Variants in TBCD observed in about 807,000 individuals in gnomAD.
TBCD encodes tubulin folding cofactor D, also known as tubulin-specific chaperone D.
TBCD carries 105 observed loss-of-function variants against 169.3 expected under a neutral mutation model. The observed-to-expected ratio is 0.62, with a 90% CI of 0.53 to 0.73. The LOEUF is 0.73. TBCD is among the 30% of genes least tolerant of loss of function. The pLI, the probability that TBCD is intolerant of heterozygous loss-of-function variation, is 0.00. For synonymous variants in TBCD, 700 were observed against 643.9 expected (o/e 1.09, Z -1.32); for missense variants, 1,444 against 1,600.1 (o/e 0.90, Z 1.66).
chr17:82,822,148 A>G (rs1212555411), intron 13 of TBCD, among the ~76,000 whole-genome samples: 2 of 152,210 alleles, frequency 1.3e-5, no homozygotes, highest in African/African-American at 2.4e-5. Context: ...TCTCTGGATG[A>G]CGAAAACTCT....
Position 82,752,390 on chromosome 17 carries a change from C to T in TBCD, c.184+13C>T. ...GAGCGGTTCCGCGGTGCGTGGGCGG[C>T]GCCGCGTGCCCGCTTCCTCCCCCGG... On this transcript the variant is annotated intron_variant, in intron 1 of 38. Coordinates refer to ENST00000355528, the MANE Select transcript of TBCD (RefSeq NM_005993.5). 8.2e-6 allele frequency: 10 copies of T among 1,226,864 alleles called. No individual in the cohort carries two copies. Among genetic ancestry groups the T allele is most frequent in the Non-Finnish European group, 1.0e-5 (10 of 986,488 alleles). 76.0% of individuals were successfully genotyped at this position (1,226,864 alleles called of 1,614,324 possible). A position where few individuals can be genotyped will look rare whatever the true frequency, so the allele number is the denominator to read the frequency against.
rs1303837971 is a variant in TBCD at position 82,831,162 on chromosome 17, G to A, written c.1318+16228G>A. On this transcript the variant is annotated intron_variant, in intron 13 of 38. Coordinates refer to ENST00000355528, the MANE Select transcript of TBCD (RefSeq NM_005993.5). This position sits in a 1 kb window ranked among gnomAD's most constrained non-coding sequence, Gnocchi z 4.6. ...TGGAGGCTGCCTTGTTGGAGAGGTC[G>A]TACAGGCCTTCGCAGGTCTGGCTCG... 4 of 1,614,124 alleles carry A rather than the reference G, an allele frequency of 2.5e-6. No homozygotes were observed. The highest frequency in any genetic ancestry group is 1.1e-5 in the South Asian group (1 of 91,080).
chr17:82,826,573 G>T (rs947354727), intron 13 of TBCD, among the ~76,000 whole-genome samples: 13 of 151,572 alleles, frequency 8.6e-5, no homozygotes, highest in African/African-American at 2.7e-4. Context: ...ACATCCCATT[G>T]CTCAGCTAAT....
intron 13 of TBCD, chr17:82,830,458 G>C (rs985679628): frequency 1.2e-6 from 2 of 1,612,738 alleles, no homozygotes; most frequent in Non-Finnish European, 1.7e-6. Flanking sequence ...GCATGCGTCT[G>C]GAGCCTCCTC....
Position 82,868,260 on chromosome 17 carries a change from T to C in TBCD, c.1319-1964T>C, listed in dbSNP as rs899085435. On this transcript the variant is annotated intron_variant, in intron 13 of 38. Coordinates refer to ENST00000355528, the MANE Select transcript of TBCD (RefSeq NM_005993.5). Reference sequence around the variant, plus strand: ...GACAGCTCTTCTGTGGGCACTGGGCTTGAAGAAGCTGCAGCGCATCCAGGT... The same window carrying C: ...GACAGCTCTTCTGTGGGCACTGGGCCTGAAGAAGCTGCAGCGCATCCAGGT... Among the ~76,000 whole-genome samples, 6 of 152,262 alleles carry C rather than the reference T, an allele frequency of 3.9e-5. No individual in the cohort carries two copies. In the East Asian group the frequency reaches 1.2e-3, roughly 29 times the overall value.
At chr17:82,795,827 C>G (rs2144588120) in intron 7 of TBCD, 1 of 154,204 alleles carries the variant, frequency 6.5e-6, no homozygotes, top group African/African-American at 2.4e-5. Flanking sequence ...TTGACTGAAG[C>G]TGGCTCTTCC....
At chr17:82,763,905 G>A (rs1315517877) in intron 2 of TBCD, 60 bp from the exon 3 acceptor site, 5 of 1,433,814 alleles carry the variant, frequency 3.5e-6, no homozygotes, top group African/African-American at 1.4e-5. Flanking sequence ...ACACCTGGCC[G>A]GCCTCAATGT....
At position 82,945,823 on chromosome 17, in the gene TBCD, G is replaced by A. The variant is rs1490916727; in HGVS notation, c.*3360G>A. 2 of 152,230 alleles carry A rather than the reference G, an allele frequency of 1.3e-5. No homozygotes were observed. The highest frequency in any genetic ancestry group is 1.9e-4 in the East Asian group (1 of 5,200). The allele number at this position is 152,230 out of a possible 1,614,324, so 9.4% of individuals were successfully genotyped here. Reference sequence around the variant, plus strand: ...CTGGTTGAGAACCACTGCTTTAGTGGATAAACTTTAGGCAGGAGGGAAATG... The same window carrying A: ...CTGGTTGAGAACCACTGCTTTAGTGAATAAACTTTAGGCAGGAGGGAAATG... On this transcript the variant is annotated 3_prime_UTR_variant, in exon 39 of 39. Transcript: ENST00000355528.
Position 82,907,797 on chromosome 17 carries a change from G to C in TBCD, c.1959G>C (p.Gln653His), listed in dbSNP as rs907774680. The change falls in exon 21 of 39, where the codon CAG becomes CAC. Residue 653 changes from glutamine (Q) to histidine (H), a missense_variant. By Grantham distance (24) the Gln-to-His change is conservative. Coordinates refer to ENST00000355528, the MANE Select transcript of TBCD (RefSeq NM_005993.5). ...VTDHLDEQAV[Q>H]GLKQIHQQLY... ...ACCATCTGGACGAGCAGGCAGTGCA[G>C]GGCCTGAAGCAGATTCACCAGCAGG... is the stretch of plus-strand genomic sequence containing the variant. The C allele has an allele frequency of 3.7e-6, 6 of 1,613,584 alleles. No individual in the cohort carries two copies. The African/African-American group carries it at 8.0e-5, about 22-fold the overall frequency.
chr17:82,860,779 G>T (rs1257777735), intron 13 of TBCD, among the ~76,000 whole-genome samples: 2 of 152,222 alleles, frequency 1.3e-5, no homozygotes, highest in Non-Finnish European at 2.9e-5. Flanking sequence ...TGTCCGGGCT[G>T]TGTAAGAAGC....
chr17:82,829,160 C>T (rs1487359951), intron 13 of TBCD, among the ~76,000 whole-genome samples: 1 of 152,086 alleles, frequency 6.6e-6, no homozygotes, highest in Admixed American at 6.5e-5. Flanking sequence ...CACACACCCG[C>T]AGAGATGCAC....
Position 82,864,353 on chromosome 17 carries a change from G to A in TBCD, c.1319-5871G>A, listed in dbSNP as rs1398015078. The A allele has an allele frequency of 6.6e-6, 1 of 152,284 alleles. No homozygotes were observed. Among genetic ancestry groups the A allele is most frequent in the Admixed American group, 6.5e-5 (1 of 15,294 alleles). The allele number at this position is 152,284 out of a possible 1,614,324, so 9.4% of individuals were successfully genotyped here. A position where few individuals can be genotyped will look rare whatever the true frequency, so the allele number is the denominator to read the frequency against. On this transcript the variant is annotated intron_variant, in intron 13 of 38. Coordinates refer to ENST00000355528, the MANE Select transcript of TBCD (RefSeq NM_005993.5). This position sits in a 1 kb window ranked among gnomAD's most constrained non-coding sequence, Gnocchi z 6.3. ...CTCATCGCCCCCATCCAGGCAGATC[G>A]AGTGCCGGCTCTCTGTGCTCTCCAG... is the stretch of plus-strand genomic sequence containing the variant.
chr17:82,879,225 G>A (rs9892187), intron 14 of TBCD, among the ~76,000 whole-genome samples: 5 of 151,572 alleles, frequency 3.3e-5, no homozygotes, highest in African/African-American at 4.9e-5. Flanking sequence ...AATCCAGGAC[G>A]CCGGGCTTGG....
At position 82,752,240 on chromosome 17, in the gene TBCD, C is replaced by T; in HGVS notation, c.47C>T (p.Ala16Val). ...GCCGCGGGCGGCCCCGAGGAGGAGG[C>T]GGAGGACGAGACACTGGCCTTTGGC... ...EPAAGGPEEE[A>V]EDETLAFGAA... The change falls in exon 1 of 39, where the codon GCG becomes GTG. Residue 16 changes from alanine (A) to valine (V), a missense_variant. Physicochemically the swap from Ala to Val is moderately conservative, Grantham distance 64. Transcript: ENST00000355528. 6.6e-7 allele frequency: 1 copy of T among 1,525,874 alleles called. No individual in the cohort carries two copies. The highest frequency in any genetic ancestry group is 8.8e-7 in the Non-Finnish European group (1 of 1,140,232). 94.5% of individuals were successfully genotyped at this position (1,525,874 alleles called of 1,614,324 possible).
At chr17:82,768,243 G>C (rs2048123391) in intron 4 of TBCD, among the ~76,000 whole-genome samples, 177 bp from the exon 5 acceptor site, 1 of 152,096 alleles carries the variant, frequency 6.6e-6, no homozygotes, top group Non-Finnish European at 1.5e-5. Context: ...GGGATTCCGG[G>C]GGGGATGTGG....
Position 82,817,584 on chromosome 17 carries a change from A to G in TBCD, c.1318+2650A>G, listed in dbSNP as rs111553437. Among the ~76,000 whole-genome samples the G allele has an allele frequency of 8.3e-4, 126 of 152,218 alleles. 1 individual carries two copies. The Middle Eastern group carries it at 0.01, about 12-fold the overall frequency. ...AGTGCTAGGATTATAGGCGTGAGCT[A>G]CTGCACCTGGCCTTCATGCCTGGCT... On this transcript the variant is annotated intron_variant, in intron 13 of 38. Transcript: ENST00000355528.
At chr17:82,941,337 C>G (rs2063226506) in intron 37 of TBCD, 62 bp from the exon 38 acceptor site, 4 of 1,444,362 alleles carry the variant, frequency 2.8e-6, no homozygotes, top group Non-Finnish European at 3.7e-6. Flanking sequence ...CGCGGGACCT[C>G]CGCACACCTG....
rs373555642 is a variant in TBCD, at chr17:82,788,873, C to T, written c.771+7152C>T. ...GGGAGGGAAGCAGCAGACCTCTCACCGCAGAGGCTGGTGTGAGGCTAATTA... is the reference window on the plus strand; with the variant it reads ...GGGAGGGAAGCAGCAGACCTCTCACTGCAGAGGCTGGTGTGAGGCTAATTA... On this transcript the variant is annotated intron_variant, in intron 7 of 38. Transcript: ENST00000355528. 1.5e-3 allele frequency among the ~76,000 whole-genome samples: 235 copies of T among 152,288 alleles called. 11 individuals carry two copies. In the South Asian group the frequency reaches 0.045, roughly 29 times the overall value.
chr17:82,933,094 C>T (rs775002165), intron 34 of TBCD, among the ~76,000 whole-genome samples: 4 of 152,002 alleles, frequency 2.6e-5, no homozygotes, highest in African/African-American at 7.2e-5. Context: ...GGATGAGACT[C>T]GCAGGGGAGA....
Sources: gnomAD v4.1 joint callset for allele counts (sites outside exome capture counted in the v4.1 genomes callset) on GRCh38, gnomAD v4.1.1 for gene constraint, Gnocchi (gnomAD v3.1) non-coding constraint, MANE v1.5 for transcripts, NCBI Gene and HGNC (gene_info 2026-07-23, HGNC 2026-07-21) for gene names.